The following SAG variants were observed in gnomAD, a reference collection of about 807,000 sequenced individuals.
SAG encodes S-antigen visual arrestin.
In SAG, 45 loss-of-function variants were observed where a neutral mutation model predicts 55.0. That is an observed-to-expected ratio of 0.82 (90% confidence interval 0.64 to 1.05). The LOEUF (loss-of-function observed/expected upper bound fraction) is 1.05. Ranked by LOEUF, SAG falls within the 50% of genes least tolerant of loss-of-function variation. The probability of loss-of-function intolerance (pLI) is 0.00; values close to 1 mark genes in which losing one functional copy is unlikely to be tolerated. For missense variants in SAG, 455 were observed against 512.1 expected, an observed-to-expected ratio of 0.89 and a Z score of 1.08; for synonymous variants, 189 against 197.4, an observed-to-expected ratio of 0.96 and a Z score of 0.36.
chr2:233,342,345 T>C lies in SAG; in HGVS notation c.1102+19T>C. ...GACCCAGGTCAGTTATGTCCTTTTTTAGCTTTCTTTAATTATTTGCTACTT... is the reference window on the plus strand; with the variant it reads ...GACCCAGGTCAGTTATGTCCTTTTTCAGCTTTCTTTAATTATTTGCTACTT... On this transcript the variant is annotated intron_variant, in intron 14 of 15. Coordinates refer to ENST00000409110, the MANE Select transcript of SAG (RefSeq NM_000541.5). 1 of 1,576,648 alleles carries C rather than the reference T, an allele frequency of 6.3e-7. No individual in the cohort carries two copies. The highest frequency in any genetic ancestry group is 8.7e-7 in the Non-Finnish European group (1 of 1,154,788).
chr2:233,329,186 G>T lies in SAG; in HGVS notation c.649-307G>T, dbSNP rs1207315623. 3.7e-5 allele frequency: 14 copies of T among 382,912 alleles called. 1 individual carries two copies. Among genetic ancestry groups the T allele is most frequent in the Non-Finnish European group, 2.4e-5 (5 of 206,398 alleles). The allele number at this position is 382,912 out of a possible 1,614,324, so 23.7% of individuals were successfully genotyped here. On this transcript the variant is annotated intron_variant, in intron 8 of 15. Transcript: ENST00000409110. ...TGTGTTACACGGGCTCTGCTGGGTG[G>T]GATGCCAGCACTTGGCTTTCCCAGT... is the stretch of plus-strand genomic sequence containing the variant.
intron 9 of SAG, among the ~76,000 whole-genome samples, chr2:233,330,230 G>A (rs563335959): frequency 6.6e-6 from 1 of 152,294 alleles, no homozygotes; most frequent in East Asian, 1.9e-4. Flanking sequence ...TAACCTCTAA[G>A]TTCACTTTTT....
At chr2:233,311,440 A>C (rs976425041) in intron 2 of SAG, among the ~76,000 whole-genome samples, 11 of 152,160 alleles carry the variant, frequency 7.2e-5, no homozygotes, top group Admixed American at 6.5e-5. Context: ...TGTCCACTGT[A>C]AACCAATCCC....
At chr2:233,341,502 A>G (rs1225088002) in intron 13 of SAG, among the ~76,000 whole-genome samples, 3 of 152,270 alleles carry the variant, frequency 2.0e-5, no homozygotes, top group Non-Finnish European at 4.4e-5. Flanking sequence ...AATATTACTG[A>G]GCCATAAAAA....
At chr2:233,339,562 T>C (rs1462656790) in intron 12 of SAG, among the ~76,000 whole-genome samples, 2 of 145,214 alleles carry the variant, frequency 1.4e-5, no homozygotes, top group Non-Finnish European at 3.0e-5. Context: ...TTTTTCACTG[T>C]GGATAGTGCA....
At chr2:233,335,471 C>A (rs1700894830) in intron 11 of SAG, among the ~76,000 whole-genome samples, 1 of 152,204 alleles carries the variant, frequency 6.6e-6, no homozygotes, top group Admixed American at 6.5e-5. Context: ...AGCGTGGGGC[C>A]TGACACACAG....
chr2:233,314,368 T>A (rs1057087749), intron 2 of SAG, among the ~76,000 whole-genome samples: 1 of 152,126 alleles, frequency 6.6e-6, no homozygotes, highest in Admixed American at 6.5e-5. Context: ...TCCCAGGAAC[T>A]GTGATCCCCA....
intron 2 of SAG, among the ~76,000 whole-genome samples, chr2:233,313,715 CTTTTTT>C (rs58355307): frequency 2.5e-5 from 2 of 78,950 alleles, no homozygotes; most frequent in African/African-American, 4.8e-5. Flanking sequence ...CCGGGCTAAT[CTTTTTT>C]TTTTTTTTTT....
chr2:233,335,185 C>T (rs1700886172), intron 11 of SAG, 86 bp downstream of exon 11: 3 of 1,498,222 alleles, frequency 2.0e-6, no homozygotes, highest in Non-Finnish European at 2.7e-6. Context: ...GCTGGGCTCG[C>T]AGGCACGCAC....
rs200026239 is a variant in SAG at position 233,335,099 on chromosome 2, T to G, written c.944T>G (p.Ile315Ser). The G allele has an allele frequency of 7.5e-6, 12 of 1,608,798 alleles. No homozygotes were observed. Among genetic ancestry groups the G allele is most frequent in the Non-Finnish European group, 7.7e-6 (9 of 1,175,698 alleles). The change falls in exon 11 of 16, where the codon ATC becomes AGC. Residue 315 changes from isoleucine (I) to serine (S), a missense_variant and splice_region_variant. Coordinates refer to ENST00000409110, the MANE Select transcript of SAG (RefSeq NM_000541.5). ...HEDTNLASSTIIKEGIDRTVL... is the reference protein window; with the variant it reads ...HEDTNLASSTSIKEGIDRTVL... ...GACACAAACCTTGCCTCCAGCACCATGTGAGTCCTCGAGGCTCAGGGAATA... is the reference window on the plus strand; with the variant it reads ...GACACAAACCTTGCCTCCAGCACCAGGTGAGTCCTCGAGGCTCAGGGAATA...
rs551057806 is a variant in SAG, at chr2:233,327,580, C to T, written c.512+383C>T. ...TTATTTTTTGAAATGGAGCCTCGCT[C>T]TGTCCCCCAGGCTGGAGTGCAATGT... is the stretch of plus-strand genomic sequence containing the variant. On this transcript the variant is annotated intron_variant, in intron 7 of 15. Coordinates refer to ENST00000409110, the MANE Select transcript of SAG (RefSeq NM_000541.5). The T allele has an allele frequency of 1.4e-3, 238 of 171,204 alleles. 1 individual carries two copies. The highest frequency in any genetic ancestry group is 5.2e-3 in the African/African-American group (216 of 41,866). 10.6% of individuals were successfully genotyped at this position (171,204 alleles called of 1,614,324 possible). A position where few individuals can be genotyped will look rare whatever the true frequency, so the allele number is the denominator to read the frequency against.
At chr2:233,338,904 T>A in intron 12 of SAG, 151 bp downstream of exon 12, 1 of 734,132 alleles carries the variant, frequency 1.4e-6, no homozygotes, top group Non-Finnish European at 2.5e-6. Context: ...AGAGATTCTG[T>A]TTGTCTAGTA....
At chr2:233,318,859 C>T in intron 4 of SAG, 64 bp downstream of exon 4, 1 of 1,420,718 alleles carries the variant, frequency 7.0e-7, no homozygotes, top group Non-Finnish European at 1.0e-6. Context: ...CTGGGCGGCT[C>T]TGGGAAGGGG....
intron 3 of SAG, among the ~76,000 whole-genome samples, chr2:233,317,417 AC>A (rs1700241906): frequency 6.6e-6 from 1 of 152,362 alleles, no homozygotes; most frequent in East Asian, 1.9e-4. Flanking sequence ...GATGAAGGAT[AC>A]TAGGGACGTC....
At chr2:233,329,057 G>A (rs928619518) in intron 8 of SAG, 10 of 236,096 alleles carry the variant, frequency 4.2e-5, no homozygotes, top group Non-Finnish European at 7.5e-5. Context: ...GTGTCATGGT[G>A]GGAAAAGGTG....
At chr2:233,327,328 G>A in intron 7 of SAG, 131 bp downstream of exon 7, 1 of 674,264 alleles carries the variant, frequency 1.5e-6, no homozygotes, top group Admixed American at 2.4e-5. Flanking sequence ...ATCTGCATGT[G>A]GGATGGAGGT....
chr2:233,319,497 C>A lies in SAG; in HGVS notation c.181+702C>A. The A allele has an allele frequency of 2.8e-6, 2 of 720,578 alleles. No individual in the cohort carries two copies. The highest frequency in any genetic ancestry group is 3.4e-6 in the Non-Finnish European group (2 of 585,502). 44.6% of individuals were successfully genotyped at this position (720,578 alleles called of 1,614,324 possible). On this transcript the variant is annotated intron_variant, in intron 4 of 15. Coordinates refer to ENST00000409110, the MANE Select transcript of SAG (RefSeq NM_000541.5). This position sits in a 1 kb window ranked among gnomAD's most constrained non-coding sequence, Gnocchi z 4.4. ...CTGACTCAGTTCCATTCTAAATATGCCTTTTTGAGTGTTGCTACTGGCAAC... is the reference window on the plus strand; with the variant it reads ...CTGACTCAGTTCCATTCTAAATATGACTTTTTGAGTGTTGCTACTGGCAAC...
At chr2:233,310,308 G>A (rs1002162635) in intron 2 of SAG, among the ~76,000 whole-genome samples, 1 of 152,066 alleles carries the variant, frequency 6.6e-6, no homozygotes, top group South Asian at 2.1e-4. Flanking sequence ...TCATTTTGAT[G>A]TTATATTTTA....
chr2:233,314,067 A>T (rs543254413), intron 2 of SAG, among the ~76,000 whole-genome samples: 181 of 151,934 alleles, frequency 1.2e-3, no homozygotes, highest in African/African-American at 4.1e-3. Flanking sequence ...AAAAAAATAT[A>T]AAAAATTAGC....
Sources: gnomAD v4.1 joint callset for allele counts (sites outside exome capture counted in the v4.1 genomes callset) on GRCh38, gnomAD v4.1.1 for gene constraint, Gnocchi (gnomAD v3.1) non-coding constraint, MANE v1.5 for transcripts, NCBI Gene and HGNC (gene_info 2026-07-23, HGNC 2026-07-21) for gene names.